NCALD: variants seen among roughly 807,000 people sequenced by gnomAD.
The protein encoded by NCALD is neurocalcin delta.
NCALD carries 10 observed loss-of-function variants against 18.6 expected under a neutral mutation model. That is an observed-to-expected ratio of 0.54 (90% CI 0.33 to 0.91). The LOEUF (loss-of-function observed/expected upper bound fraction) is 0.91, where lower values mean the gene tolerates loss of function less well. Among genes scored for constraint, NCALD ranks in the 40% least tolerant of loss-of-function variants. The pLI is 0.03. For missense variants in NCALD, 184 were observed against 247.6 expected, an observed-to-expected ratio of 0.74 and a Z score of 1.72; for synonymous variants, 88 against 87.4, an observed-to-expected ratio of 1.01 and a Z score of -0.04.
At chr8:102,073,012 T>C (rs1416015970) in intron 1 of NCALD, among the ~76,000 whole-genome samples, 1 of 152,222 alleles carries the variant, frequency 6.6e-6, no homozygotes, top group Admixed American at 6.5e-5. Flanking sequence ...ATGTACATAA[T>C]AAAAAGTGCA....
intron 2 of NCALD, among the ~76,000 whole-genome samples, chr8:101,977,984 T>C (rs997686272): frequency 6.6e-6 from 1 of 151,980 alleles, no homozygotes; most frequent in African/African-American, 2.4e-5. Context: ...TCCTCTCCTC[T>C]TCCTTCTCTC....
At chr8:101,707,040 G>A (rs187339513) in intron 2 of NCALD, among the ~76,000 whole-genome samples, 14 of 152,316 alleles carry the variant, frequency 9.2e-5, no homozygotes. Context: ...TGTGGCCCAT[G>A]CTCATAATTG....
intron 2 of NCALD, among the ~76,000 whole-genome samples, chr8:101,918,948 T>C (rs1191926370): frequency 2.6e-5 from 4 of 152,214 alleles, no homozygotes; most frequent in Non-Finnish European, 5.9e-5. Flanking sequence ...AATCTAGAGA[T>C]TCGATGCTAT....
chr8:102,041,694 G>A (rs1306404173), intron 1 of NCALD, among the ~76,000 whole-genome samples: 1 of 152,302 alleles, frequency 6.6e-6, no homozygotes, highest in South Asian at 2.1e-4. Flanking sequence ...AAAGCAATCA[G>A]AACTGCTTTC....
At chr8:101,926,395 C>T (rs962705157) in intron 2 of NCALD, among the ~76,000 whole-genome samples, 5 of 152,168 alleles carry the variant, frequency 3.3e-5, no homozygotes, top group Non-Finnish European at 7.3e-5. Context: ...TCTACAACCA[C>T]AGGGGCTGAT....
intron 2 of NCALD, among the ~76,000 whole-genome samples, chr8:101,696,067 T>C (rs976045306): frequency 1.6e-4 from 24 of 152,160 alleles, no homozygotes; most frequent in African/African-American, 5.8e-4. Context: ...GATTTGAGCT[T>C]TTCCCTTAGA....
intron 1 of NCALD, among the ~76,000 whole-genome samples, chr8:102,120,481 C>T (rs1174422091): frequency 6.6e-6 from 1 of 152,148 alleles, no homozygotes; most frequent in Non-Finnish European, 1.5e-5. Flanking sequence ...TATGTAAGGT[C>T]TGGAGCTCTT....
intron 1 of NCALD, among the ~76,000 whole-genome samples, chr8:101,734,176 C>A (rs1816971684): frequency 6.6e-6 from 1 of 152,178 alleles, no homozygotes; most frequent in East Asian, 1.9e-4. Flanking sequence ...CAGATCTGTT[C>A]TTCACTCGGC....
rs543720764 is a variant in NCALD at position 102,021,879 on chromosome 8, T to G, written c.-209-1590A>C. 1.5e-3 allele frequency among the ~76,000 whole-genome samples: 219 copies of G among 146,210 alleles called. 1 individual carries two copies. Among genetic ancestry groups the G allele is most frequent in the African/African-American group, 5.6e-3 (209 of 37,230 alleles). Reference sequence around the variant, plus strand: ...CACTCTAGGACTCAGGATCTCAGGTTGGAAATACTCAACCATGTCTGGGAA... The same window carrying G: ...CACTCTAGGACTCAGGATCTCAGGTGGGAAATACTCAACCATGTCTGGGAA... On this transcript the variant is annotated intron_variant, in intron 1 of 6. Transcript: ENST00000311028.
intron 1 of NCALD, among the ~76,000 whole-genome samples, chr8:102,082,549 T>C (rs1401738030): frequency 1.3e-5 from 2 of 152,116 alleles, no homozygotes; most frequent in Admixed American, 6.5e-5. Flanking sequence ...CCATTCCAGA[T>C]GGTCAAATAT....
chr8:101,762,779 G>T (rs1210757673), intron 1 of NCALD, among the ~76,000 whole-genome samples: 1 of 151,924 alleles, frequency 6.6e-6, no homozygotes, highest in Non-Finnish European at 1.5e-5. Flanking sequence ...TCGCCATGTT[G>T]ACCAGGCTGG....
At chr8:102,025,334 T>C (rs1822417061) in intron 1 of NCALD, among the ~76,000 whole-genome samples, 1 of 152,212 alleles carries the variant, frequency 6.6e-6, no homozygotes, top group Admixed American at 6.5e-5. Flanking sequence ...TCACTATTCT[T>C]TTCCTTCATT....
chr8:101,791,678 G>A (rs1488427740), upstream of NCALD, among the ~76,000 whole-genome samples: 1 of 152,102 alleles, frequency 6.6e-6, no homozygotes, highest in Non-Finnish European at 1.5e-5. Flanking sequence ...AGGTAAAAAT[G>A]AGGACCGAAG....
chr8:101,996,909 G>C (rs1821259341), intron 2 of NCALD, among the ~76,000 whole-genome samples: 1 of 152,230 alleles, frequency 6.6e-6, no homozygotes, highest in African/African-American at 2.4e-5. Context: ...CTTAACTTAG[G>C]TTAAAGCACA....
chr8:102,058,051 G>A (rs1170930583), intron 1 of NCALD, among the ~76,000 whole-genome samples: 1 of 152,194 alleles, frequency 6.6e-6, no homozygotes, highest in Admixed American at 6.5e-5. Context: ...TTCCAGCTGA[G>A]AGACTTCAAT....
At chr8:101,708,901 G>A (rs2130280218) in intron 2 of NCALD, among the ~76,000 whole-genome samples, 1 of 152,212 alleles carries the variant, frequency 6.6e-6, no homozygotes, top group East Asian at 1.9e-4. Flanking sequence ...TGTGACTCAA[G>A]GAGATGGGAA....
chr8:101,893,039 GCAACTCCAAGA>G (rs1269529274), intron 3 of NCALD, among the ~76,000 whole-genome samples: 11 of 149,440 alleles, frequency 7.4e-5, no homozygotes, highest in Non-Finnish European at 1.6e-4. Flanking sequence ...CTCGAGAAGA[GCAACTCCAAGA>G]CACATAATTG....
chr8:101,911,324 T>C (rs138979112), intron 3 of NCALD, among the ~76,000 whole-genome samples: 183 of 150,802 alleles, frequency 1.2e-3, no homozygotes, highest in African/African-American at 3.9e-3. Flanking sequence ...CAGGAAATCC[T>C]TCCTCTTATG....
intron 1 of NCALD, among the ~76,000 whole-genome samples, chr8:101,743,416 T>C (rs1810296430): frequency 6.6e-6 from 1 of 152,228 alleles, no homozygotes; most frequent in Admixed American, 6.5e-5. Flanking sequence ...ACGTTACACA[T>C]GAAACATTTA....
Sources: gnomAD v4.1 joint callset for allele counts (sites outside exome capture counted in the v4.1 genomes callset) on GRCh38, gnomAD v4.1.1 for gene constraint, MANE v1.5 for transcripts, NCBI Gene and HGNC (gene_info 2026-07-23, HGNC 2026-07-21) for gene names.